The following DIAPH2 variants were observed in gnomAD, a reference collection of about 807,000 sequenced individuals.
DIAPH2 encodes the protein protein diaphanous homolog 2.
Under a neutral mutation model 92.7 loss-of-function variants are expected in DIAPH2, and 35 were observed. The observed-to-expected ratio is 0.38, with a 90% CI of 0.29 to 0.50. The LOEUF (loss-of-function observed/expected upper bound fraction) is 0.50. DIAPH2 is among the 20% of genes least tolerant of loss of function. The pLI is 0.94. For synonymous variants in DIAPH2, 301 were observed against 280.4 expected, an observed-to-expected ratio of 1.07 and a Z score of -0.73; for missense variants, 701 against 819.5, an observed-to-expected ratio of 0.86 and a Z score of 1.77.
intron 23 of DIAPH2, among the ~76,000 whole-genome samples, chrX:97,321,544 A>ATTTTTT (rs72265655): frequency 1.7e-4 from 8 of 48,398 alleles, no homozygotes; most frequent in Admixed American, 3.2e-4. Context: ...TTGTGTTGTT[A>ATTTTTT]TTTTTTTTTT....
At chrX:97,305,354 G>A (rs753215994) in intron 23 of DIAPH2, among the ~76,000 whole-genome samples, 5 of 110,558 alleles carry the variant, frequency 4.5e-5, no homozygotes, top group Admixed American at 9.7e-5. Flanking sequence ...TTAGCTGGGC[G>A]TGGTGGCGGG....
chrX:97,245,272 G>A (rs2068131587), intron 22 of DIAPH2, among the ~76,000 whole-genome samples: 1 of 109,807 alleles, frequency 9.1e-6, no homozygotes, highest in Non-Finnish European at 1.9e-5. Flanking sequence ...TTGAGTAGCT[G>A]GGACTAGGCA....
chrX:97,156,694 T>A (rs2067325499), intron 22 of DIAPH2, among the ~76,000 whole-genome samples: 1 of 111,377 alleles, frequency 9.0e-6, no homozygotes. Flanking sequence ...GAACCACCGA[T>A]GGGGAGAAAA....
chrX:97,237,325 A>G (rs1262651720), intron 22 of DIAPH2, among the ~76,000 whole-genome samples: 1 of 111,181 alleles, frequency 9.0e-6, no homozygotes, highest in East Asian at 2.8e-4. Flanking sequence ...AAGTGAAGAC[A>G]TTAGTATGGG....
At chrX:96,765,205 T>G (rs893243851) in intron 4 of DIAPH2, among the ~76,000 whole-genome samples, 1 of 105,762 alleles carries the variant, frequency 9.5e-6, no homozygotes, top group Non-Finnish European at 1.9e-5. Flanking sequence ...TTTTTTTTTT[T>G]TTTTTTTTTT....
At chrX:97,279,118 G>A (rs1021023232) in intron 23 of DIAPH2, among the ~76,000 whole-genome samples, 1 of 111,467 alleles carries the variant, frequency 9.0e-6, no homozygotes, top group Admixed American at 9.7e-5. Context: ...AGAGGAAATA[G>A]CAAATTATTA....
At chrX:96,845,695 T>G (rs2064966510) in intron 4 of DIAPH2, among the ~76,000 whole-genome samples, 1 of 112,759 alleles carries the variant, frequency 8.9e-6, no homozygotes, top group Non-Finnish European at 1.9e-5. Context: ...TTTTATATTT[T>G]ACGTTTAACC....
chrX:97,102,340 C>T (rs2064216), intron 20 of DIAPH2, among the ~76,000 whole-genome samples: 4,544 of 111,262 alleles, frequency 0.041, 222 homozygotes, highest in African/African-American at 0.13. Flanking sequence ...TAACTTACCA[C>T]GAACATCCTA....
chrX:97,339,175 A>G (rs1019093978), intron 23 of DIAPH2, among the ~76,000 whole-genome samples: 1 of 111,288 alleles, frequency 9.0e-6, no homozygotes, highest in African/African-American at 3.3e-5. Context: ...TAAATACCCC[A>G]GTAATTCTGA....
chrX:97,284,079 G>A (rs749385441), intron 23 of DIAPH2, among the ~76,000 whole-genome samples: 17 of 112,428 alleles, frequency 1.5e-4, no homozygotes, highest in Non-Finnish European at 2.1e-4. Flanking sequence ...TAGCTAACAG[G>A]TCACGAGTAT....
chrX:96,877,118 G>A (rs796240243), intron 4 of DIAPH2, among the ~76,000 whole-genome samples: 4 of 110,910 alleles, frequency 3.6e-5, no homozygotes, highest in South Asian at 3.8e-4. Flanking sequence ...CAAATATACC[G>A]CTATCAGAAT....
intron 17 of DIAPH2, among the ~76,000 whole-genome samples, chrX:97,067,323 C>T (rs1322933433): frequency 5.4e-5 from 6 of 111,955 alleles, no homozygotes; most frequent in Non-Finnish European, 1.9e-5. Flanking sequence ...CCAAGGTTAA[C>T]AGTTTGTAAA....
chrX:97,596,140 G>A (rs1189915369), intron 26 of DIAPH2, among the ~76,000 whole-genome samples: 1 of 111,921 alleles, frequency 8.9e-6, no homozygotes, highest in African/African-American at 3.3e-5. Flanking sequence ...GCTTATTGCT[G>A]CATTAAGGCT....
At chrX:97,180,746 A>G (rs753865145) in intron 22 of DIAPH2, among the ~76,000 whole-genome samples, 2 of 111,706 alleles carry the variant, frequency 1.8e-5, no homozygotes, top group Non-Finnish European at 3.8e-5. Flanking sequence ...TCCCAGCACC[A>G]TTTATTAAAT....
chrX:96,747,718 T>C (rs2064159339), intron 3 of DIAPH2, among the ~76,000 whole-genome samples: 1 of 111,960 alleles, frequency 8.9e-6, no homozygotes, highest in South Asian at 3.7e-4. Context: ...CTATTATAGG[T>C]TTCTTTCTCA....
chrX:97,168,879 T>C (rs1419630868), intron 22 of DIAPH2, among the ~76,000 whole-genome samples: 3 of 112,062 alleles, frequency 2.7e-5, no homozygotes, highest in African/African-American at 9.7e-5. Flanking sequence ...CATGTCTTTT[T>C]ATAAAAGGCT....
rs72373635 is a variant in DIAPH2, at chrX:97,545,533, AAT to A, written c.3242-53693_3242-53692del. On this transcript the variant is annotated intron_variant, in intron 26 of 26. Transcript: ENST00000324765. ...TTTTTAAGTTTGATGAAAAAAAAAA[AAT>A]ATATATATATATATATATATATATA... 4.8e-3 allele frequency among the ~76,000 whole-genome samples: 383 copies of A among 79,308 alleles called. 3 individuals are homozygous for A. Among genetic ancestry groups the A allele is most frequent in the African/African-American group, 9.2e-3 (185 of 20,166 alleles). The allele number at this position is 79,308 out of a possible 115,157, so 68.9% of individuals were successfully genotyped here. A position where few individuals can be genotyped will look rare whatever the true frequency, so the allele number is the denominator to read the frequency against.
At chrX:96,817,307 G>A (rs2064743719) in intron 4 of DIAPH2, among the ~76,000 whole-genome samples, 1 of 111,004 alleles carries the variant, frequency 9.0e-6, no homozygotes, top group Non-Finnish European at 1.9e-5. Flanking sequence ...ATTATGCACT[G>A]CACGCCCGTA....
intron 19 of DIAPH2, among the ~76,000 whole-genome samples, chrX:97,095,090 TTCTTTTTC>T: frequency 1.4e-5 from 1 of 70,489 alleles, no homozygotes; most frequent in African/African-American, 6.4e-5. Context: ...AGGGAAATGT[TTCTTTTTC>T]TTTTTTTTTT....
Sources: gnomAD v4.1 joint callset for allele counts (sites outside exome capture counted in the v4.1 genomes callset) on GRCh38, gnomAD v4.1.1 for gene constraint, MANE v1.5 for transcripts, NCBI Gene and HGNC (gene_info 2026-07-23, HGNC 2026-07-21) for gene names.